Variants in BBOX1 observed in about 807,000 individuals in gnomAD.
BBOX1 encodes gamma-butyrobetaine dioxygenase.
In BBOX1, 35 loss-of-function variants were observed where a neutral mutation model predicts 41.6. That is an observed-to-expected ratio of 0.84 (90% CI 0.64 to 1.11). The LOEUF is 1.11. Ranked by LOEUF, BBOX1 falls within the 50% of genes most tolerant of loss-of-function variation. The pLI, the probability that BBOX1 is intolerant of heterozygous loss-of-function variation, is 0.00. For synonymous variants in BBOX1, 163 were observed against 154.7 expected (o/e 1.05, Z -0.40); for missense variants, 458 against 460.6 (o/e 0.99, Z 0.05).
intron 5 of BBOX1, among the ~76,000 whole-genome samples, chr11:27,094,405 A>C (rs1321195898): frequency 6.6e-6 from 1 of 151,984 alleles, no homozygotes; most frequent in Admixed American, 6.6e-5. Context: ...CTGTATTCAG[A>C]TGTTTGGTTT....
rs150099496 is a variant in BBOX1 at position 27,051,425 on chromosome 11, G to A, written c.-38-3968G>A. On this transcript the variant is annotated intron_variant, in intron 2 of 8. Transcript: ENST00000263182. Reference sequence around the variant, plus strand: ...GAATTTGTGTTAATTCTTCTTTAATGTTTGGTGGAATTCACTGGTGAAGCC... The same window carrying A: ...GAATTTGTGTTAATTCTTCTTTAATATTTGGTGGAATTCACTGGTGAAGCC... 2.5e-4 allele frequency among the ~76,000 whole-genome samples: 38 copies of A among 152,058 alleles called. No individual in the cohort carries two copies. The Middle Eastern group carries it at 0.01, about 41-fold the overall frequency.
Position 27,125,823 on chromosome 11 carries a change from C to G in BBOX1, c.1003+3C>G. 6.2e-7 allele frequency: 1 copy of G among 1,603,076 alleles called. No homozygotes were observed. Among genetic ancestry groups the G allele is most frequent in the South Asian group, 1.1e-5 (1 of 88,660 alleles). On this transcript the variant is annotated splice_donor_region_variant and intron_variant, in intron 8 of 8. Transcript: ENST00000263182. ...GTTTACCTTCAAGATGAATCCAGGT[C>G]AGTGAATACATTTTCTCAAATAACC...
At chr11:27,079,671 T>C (rs1271273873) in intron 4 of BBOX1, among the ~76,000 whole-genome samples, 1 of 152,012 alleles carries the variant, frequency 6.6e-6, no homozygotes, top group Non-Finnish European at 1.5e-5. Flanking sequence ...TGGGCAATGA[T>C]AGAGGGGATT....
intron 8 of BBOX1, 114 bp from the exon 9 acceptor site, chr11:27,127,179 G>A: frequency 8.8e-7 from 1 of 1,136,848 alleles, no homozygotes; most frequent in Non-Finnish European, 1.3e-6. Context: ...AAAGAAATAA[G>A]CGATGATTCT....
At position 27,118,865 on chromosome 11, in the gene BBOX1, T is replaced by C. The variant is rs1257053045; in HGVS notation, c.640-784T>C. ...AAATCTAAAAGGATTTAAAGAACACTGTGATCCTCCAAAAACAAAGTTATG... is the reference window on the plus strand; with the variant it reads ...AAATCTAAAAGGATTTAAAGAACACCGTGATCCTCCAAAAACAAAGTTATG... On this transcript the variant is annotated intron_variant, in intron 6 of 8. Coordinates refer to ENST00000263182, the MANE Select transcript of BBOX1 (RefSeq NM_003986.3). 3.3e-5 allele frequency among the ~76,000 whole-genome samples: 5 copies of C among 151,538 alleles called. No homozygotes were observed. In the East Asian group the frequency reaches 7.8e-4, roughly 24 times the overall value.
Position 27,125,786 on chromosome 11 carries a change from C to A in BBOX1, c.969C>A (p.Ser323Arg). The A allele has an allele frequency of 6.2e-7, 1 of 1,612,150 alleles. No individual in the cohort carries two copies. The highest frequency in any genetic ancestry group is 8.5e-7 in the Non-Finnish European group (1 of 1,179,446). ...AGGAGTTTGTTGACCTCATGAACAG[C>A]AAAGAATCCAAGTTTACCTTCAAGA... ...ALKEFVDLMN[S>R]KESKFTFKMN... Residue 323 changes from serine to arginine, a missense_variant, in exon 8 of 9, where the codon AGC becomes AGA. By Grantham distance (110) the Ser-to-Arg change is moderately radical. Coordinates refer to ENST00000263182, the MANE Select transcript of BBOX1 (RefSeq NM_003986.3).
At chr11:27,114,273 G>A (rs1859180299) in intron 5 of BBOX1, among the ~76,000 whole-genome samples, 1 of 151,654 alleles carries the variant, frequency 6.6e-6, no homozygotes. Flanking sequence ...GAAATAGAAT[G>A]GCATCCTGTA....
chr11:27,058,420 T>C (rs925113857), intron 4 of BBOX1, among the ~76,000 whole-genome samples: 1 of 152,210 alleles, frequency 6.6e-6, no homozygotes, highest in African/African-American at 2.4e-5. Flanking sequence ...AAGTGAGGCA[T>C]TGCTATAAAG....
At chr11:27,093,112 G>A (rs72878446) in intron 4 of BBOX1, 56 bp from the exon 5 acceptor site, 46,944 of 1,519,816 alleles carry the variant, frequency 0.031, 873 homozygotes, top group Middle Eastern at 0.042. Context: ...TGAGGTTATC[G>A]TCTTATGTAA....
chr11:27,110,547 G>T (rs1159406774), intron 5 of BBOX1, among the ~76,000 whole-genome samples: 1 of 151,720 alleles, frequency 6.6e-6, no homozygotes, highest in Non-Finnish European at 1.5e-5. Flanking sequence ...TTTCACTTTG[G>T]GTTCTGCCTA....
intron 5 of BBOX1, among the ~76,000 whole-genome samples, chr11:27,107,678 A>G (rs1353256659): frequency 6.6e-6 from 1 of 152,044 alleles, no homozygotes; most frequent in East Asian, 1.9e-4. Flanking sequence ...AGGCCTCACC[A>G]CTAGGCTTTT....
chr11:27,075,049 T>A (rs573975849), intron 4 of BBOX1, among the ~76,000 whole-genome samples: 5 of 152,346 alleles, frequency 3.3e-5, no homozygotes, highest in South Asian at 2.1e-4. Flanking sequence ...CCTGTTTTTT[T>A]ATACTTGCCA....
intron 4 of BBOX1, among the ~76,000 whole-genome samples, chr11:27,058,923 T>C (rs1344811417): frequency 6.6e-6 from 1 of 152,172 alleles, no homozygotes; most frequent in Non-Finnish European, 1.5e-5. Flanking sequence ...AAAAGCTTTT[T>C]TGGGAGAGGA....
Position 27,127,488 on chromosome 11 carries a change from G to T in BBOX1, c.*35G>T. Reference sequence around the variant, plus strand: ...TAGATAATTTTAATAAGATTCCAATGACCATATTTTGTGAGATATGGCACA... The same window carrying T: ...TAGATAATTTTAATAAGATTCCAATTACCATATTTTGTGAGATATGGCACA... On this transcript the variant is annotated 3_prime_UTR_variant, in exon 9 of 9. Transcript: ENST00000263182. 2 of 1,576,076 alleles carry T rather than the reference G, an allele frequency of 1.3e-6. No individual in the cohort carries two copies. The highest frequency in any genetic ancestry group is 1.2e-5 in the South Asian group (1 of 85,134).
At chr11:27,075,959 C>T (rs1027153761) in intron 4 of BBOX1, among the ~76,000 whole-genome samples, 3 of 152,206 alleles carry the variant, frequency 2.0e-5, no homozygotes, top group Admixed American at 2.0e-4. Context: ...CCCACTGAGC[C>T]CAGCACTGTA....
At chr11:27,042,788 G>A (rs922306207) in intron 2 of BBOX1, among the ~76,000 whole-genome samples, 8 of 152,058 alleles carry the variant, frequency 5.3e-5, no homozygotes, top group Non-Finnish European at 8.8e-5. Flanking sequence ...AGAACCTTAG[G>A]TAGCAGGTGT....
At chr11:27,049,198 G>A (rs370873271) in intron 2 of BBOX1, among the ~76,000 whole-genome samples, 11 of 151,706 alleles carry the variant, frequency 7.3e-5, no homozygotes, top group African/African-American at 9.7e-5. Context: ...TCCCACTAAC[G>A]GTGTACAAGG....
At chr11:27,099,759 A>T (rs769212383) in intron 5 of BBOX1, among the ~76,000 whole-genome samples, 9 of 152,000 alleles carry the variant, frequency 5.9e-5, no homozygotes, top group Admixed American at 1.3e-4. Flanking sequence ...ATCCTCCTCT[A>T]CTGCGGACTT....
intron 4 of BBOX1, among the ~76,000 whole-genome samples, chr11:27,084,589 A>C (rs1320948654): frequency 6.6e-6 from 1 of 152,142 alleles, no homozygotes; most frequent in East Asian, 1.9e-4. Context: ...AGGAAGAGAC[A>C]GTAAGAGATT....
Sources: allele counts gnomAD v4.1 joint callset (sites outside exome capture counted in the v4.1 genomes callset), GRCh38; gene constraint gnomAD v4.1.1; transcripts MANE v1.5; gene names NCBI Gene and HGNC (gene_info 2026-07-23, HGNC 2026-07-21).